The following GRIN2A variants were observed in gnomAD, a reference collection of about 807,000 sequenced individuals.
The protein encoded by GRIN2A is glutamate receptor ionotropic, NMDA 2A.
In GRIN2A, 22 loss-of-function variants were observed where a neutral mutation model predicts 113.4. The ratio of observed to expected loss-of-function variants is 0.19; its 90% CI spans 0.14 to 0.28. The LOEUF is 0.28. GRIN2A is among the 10% of genes least tolerant of loss of function. GRIN2A has a pLI of 1.00. For missense variants in GRIN2A, 1,502 were observed against 1,887.0 expected (o/e 0.80, Z 3.78); for synonymous variants, 827 against 738.4 (o/e 1.12, Z -1.94).
intron 2 of GRIN2A, among the ~76,000 whole-genome samples, chr16:10,002,929 A>G (rs1052425513): frequency 6.6e-5 from 10 of 152,220 alleles, no homozygotes; most frequent in African/African-American, 2.4e-4. Context: ...ACTGGAAACC[A>G]TAAGGCCTTT....
In GRIN2A at chr16:9,759,721, A is replaced by G. The variant is rs868849193; in HGVS notation, c.*3428T>C. 4.4e-6 allele frequency: 1 copy of G among 228,834 alleles called. No homozygotes were observed. 14.2% of individuals were successfully genotyped at this position (228,834 alleles called of 1,614,324 possible). ...TAACGCAGAGAGATTTGCAGAGGACATAACAGTAATGAGTGGTGAGATTGT... is the reference window on the plus strand; with the variant it reads ...TAACGCAGAGAGATTTGCAGAGGACGTAACAGTAATGAGTGGTGAGATTGT... On this transcript the variant is annotated 3_prime_UTR_variant, in exon 13 of 13. Coordinates refer to ENST00000330684, the MANE Select transcript of GRIN2A (RefSeq NM_001134407.3).
At chr16:9,865,207 T>G (rs2043142389) in intron 4 of GRIN2A, among the ~76,000 whole-genome samples, 2 of 152,166 alleles carry the variant, frequency 1.3e-5, no homozygotes, top group Non-Finnish European at 2.9e-5. Flanking sequence ...ACGTGATTAT[T>G]CTAAGGCACT....
At chr16:10,174,916 A>C (rs2050113739) in intron 2 of GRIN2A, among the ~76,000 whole-genome samples, 1 of 152,054 alleles carries the variant, frequency 6.6e-6, no homozygotes, top group South Asian at 2.1e-4. Context: ...CATGTGCTGC[A>C]TAAGGAGGTT....
At position 10,086,025 on chromosome 16, in the gene GRIN2A, C is replaced by T. The variant is rs574128987; in HGVS notation, c.414+93973G>A. The stretch of plus-strand genomic sequence containing the variant: ...TTGGGGGATGTGCCTGTGTGCTCCA[C>T]GGGTGTCCTCTTGAATGTTATAACC... On this transcript the variant is annotated intron_variant, in intron 2 of 12. Transcript: ENST00000330684. Among the ~76,000 whole-genome samples the T allele has an allele frequency of 2.6e-5, 4 of 152,278 alleles. No individual in the cohort carries two copies. The South Asian group carries it at 6.2e-4, about 24-fold the overall frequency.
Position 10,060,793 on chromosome 16 carries a change from C to T in GRIN2A, c.414+119205G>A, listed in dbSNP as rs571990641. Among the ~76,000 whole-genome samples, 110 of 152,278 alleles carry T rather than the reference C, an allele frequency of 7.2e-4. 9 individuals carry two copies. The highest frequency in any genetic ancestry group is 5.8e-4 in the East Asian group (3 of 5,182). On this transcript the variant is annotated intron_variant, in intron 2 of 12. Transcript: ENST00000330684. The stretch of plus-strand genomic sequence containing the variant: ...AGCCAGGGATATCTAATGAAAGCTG[C>T]GTTTCCTCTTTACGAGTGCAAGCTA...
chr16:10,099,940 G>A (rs1019755767), intron 2 of GRIN2A, among the ~76,000 whole-genome samples: 1 of 138,834 alleles, frequency 7.2e-6, no homozygotes, highest in African/African-American at 2.7e-5. Flanking sequence ...GGAGCTCAGG[G>A]AGGCAGGAGT....
chr16:10,100,016 A>G (rs935300231), intron 2 of GRIN2A, among the ~76,000 whole-genome samples: 1 of 152,206 alleles, frequency 6.6e-6, no homozygotes, highest in Non-Finnish European at 1.5e-5. Flanking sequence ...AGTACATGAA[A>G]ACAATTTACT....
chr16:9,825,971 T>G (rs1409383813), intron 9 of GRIN2A, among the ~76,000 whole-genome samples: 16 of 122,570 alleles, frequency 1.3e-4, no homozygotes, highest in Admixed American at 2.7e-4. Flanking sequence ...ATGGAAGGAG[T>G]AGGAGGAGAA....
chr16:9,974,811 C>A (rs1341731240), intron 2 of GRIN2A, among the ~76,000 whole-genome samples: 1 of 152,192 alleles, frequency 6.6e-6, no homozygotes, highest in Non-Finnish European at 1.5e-5. Context: ...TTCTTCCTTT[C>A]CAATTTGGAA....
intron 10 of GRIN2A, among the ~76,000 whole-genome samples, chr16:9,806,290 A>G (rs2041964629): frequency 6.6e-6 from 1 of 152,172 alleles, no homozygotes; most frequent in Non-Finnish European, 1.5e-5. Context: ...CACCAAGTCA[A>G]GTCCATTTCT....
intron 2 of GRIN2A, among the ~76,000 whole-genome samples, chr16:10,073,171 G>C (rs1306656093): frequency 6.6e-6 from 1 of 152,010 alleles, no homozygotes; most frequent in Non-Finnish European, 1.5e-5. Context: ...GGCCAAGCTG[G>C]TCTCAAACTC....
At chr16:9,993,550 C>A (rs1408240254) in intron 2 of GRIN2A, among the ~76,000 whole-genome samples, 1 of 152,074 alleles carries the variant, frequency 6.6e-6, no homozygotes, top group Non-Finnish European at 1.5e-5. Context: ...GAAGTGAGAA[C>A]CCATCACTAA....
At chr16:9,890,608 T>C (rs2141480511) in intron 4 of GRIN2A, among the ~76,000 whole-genome samples, 1 of 152,356 alleles carries the variant, frequency 6.6e-6, no homozygotes, top group African/African-American at 2.4e-5. Context: ...TTCGTTCATA[T>C]GGCAATGACT....
At chr16:10,033,085 A>G (rs1175425409) in intron 2 of GRIN2A, among the ~76,000 whole-genome samples, 2 of 152,088 alleles carry the variant, frequency 1.3e-5, no homozygotes, top group African/African-American at 2.4e-5. Flanking sequence ...TTATACCTAT[A>G]TTGGGGTGAA....
At chr16:9,859,216 C>T (rs2043020300) in intron 4 of GRIN2A, among the ~76,000 whole-genome samples, 2 of 151,780 alleles carry the variant, frequency 1.3e-5, no homozygotes, top group Admixed American at 6.6e-5. Context: ...TCTGCCTTTG[C>T]ACACACACTT....
Position 9,888,745 on chromosome 16 carries a change from C to T in GRIN2A, c.1122+2241G>A, listed in dbSNP as rs189797749. On this transcript the variant is annotated intron_variant, in intron 4 of 12. Transcript: ENST00000330684. ...GTATGTGCATATAATATATATAAAT[C>T]GATATATATATTATAGGTTTTTCAT... Among the ~76,000 whole-genome samples, 62 of 151,582 alleles carry T rather than the reference C, an allele frequency of 4.1e-4. No homozygotes were observed. The East Asian group carries it at 9.5e-3, about 23-fold the overall frequency.
intron 2 of GRIN2A, among the ~76,000 whole-genome samples, chr16:10,090,013 G>A (rs745338979): frequency 6.6e-6 from 1 of 151,794 alleles, no homozygotes; most frequent in Non-Finnish European, 1.5e-5. Context: ...GATACCATGT[G>A]ATAAAAAAAA....
chr16:9,758,942 C>T lies in GRIN2A; in HGVS notation c.*4207G>A, dbSNP rs747470370. The T allele has an allele frequency of 9.9e-5, 22 of 221,620 alleles. No individual in the cohort carries two copies. The highest frequency in any genetic ancestry group is 1.5e-4 in the Non-Finnish European group (17 of 110,744). The allele number at this position is 221,620 out of a possible 1,614,324, so 13.7% of individuals were successfully genotyped here. ...AACCCTTCACTCATTAAATATCAAGCAACACATTTAGCTTCCACCTACTCA... is the reference window on the plus strand; with the variant it reads ...AACCCTTCACTCATTAAATATCAAGTAACACATTTAGCTTCCACCTACTCA... On this transcript the variant is annotated 3_prime_UTR_variant, in exon 13 of 13. Transcript: ENST00000330684.
intron 2 of GRIN2A, among the ~76,000 whole-genome samples, chr16:10,134,269 A>C (rs2049140860): frequency 6.6e-6 from 1 of 151,620 alleles, no homozygotes; most frequent in African/African-American, 2.4e-5. Context: ...GCCTAGAAAT[A>C]ATCCTCTCCC....
Sources: allele counts gnomAD v4.1 joint callset (sites outside exome capture counted in the v4.1 genomes callset), GRCh38; gene constraint gnomAD v4.1.1; transcripts MANE v1.5; gene names NCBI Gene and HGNC (gene_info 2026-07-23, HGNC 2026-07-21).